Variants in CDH13 observed in about 807,000 individuals in gnomAD.
CDH13 encodes cadherin-13.
A neutral mutation model predicts 63.8 loss-of-function variants in CDH13; 24 were observed. The ratio of observed to expected loss-of-function variants is 0.38; its 90% CI spans 0.27 to 0.53. The LOEUF is 0.53. Among genes scored for constraint, CDH13 ranks in the 20% least tolerant of loss-of-function variants. CDH13 has a pLI of 0.85. For synonymous variants in CDH13, 503 were observed against 355.3 expected (o/e 1.42, Z -4.67); for missense variants, 1,049 against 903.1 (o/e 1.16, Z -2.07).
intron 4 of CDH13, among the ~76,000 whole-genome samples, chr16:83,188,775 A>T (rs116830077): frequency 0.018 from 2,781 of 152,368 alleles, 86 homozygotes; most frequent in African/African-American, 0.064. Context: ...GTTAGGATTA[A>T]TGACCAACCA....
At position 83,232,227 on chromosome 16, in the gene CDH13, T is replaced by TTTTTAA. The variant is rs3049884; in HGVS notation, c.636+14730_636+14731insTTTTAA. Among the ~76,000 whole-genome samples, 43 of 67,638 alleles carry TTTTTAA rather than the reference T, an allele frequency of 6.4e-4. 1 individual carries two copies. The highest frequency in any genetic ancestry group is 2.1e-3 in the African/African-American group (39 of 18,964). The allele number at this position is 67,638 out of a possible 152,430, so 44.4% of individuals were successfully genotyped here. ...GTGTTTTCTTTTTTTTTTTTTTTTT[T>TTTTTAA]AAAAAAAAAAAAAAAGGCTGGGCAC... On this transcript the variant is annotated intron_variant, in intron 5 of 13. Coordinates refer to ENST00000567109, the MANE Select transcript of CDH13 (RefSeq NM_001257.5).
At chr16:82,760,007 A>T (rs2034771963) in intron 1 of CDH13, among the ~76,000 whole-genome samples, 1 of 152,214 alleles carries the variant, frequency 6.6e-6, no homozygotes, top group Non-Finnish European at 1.5e-5. Flanking sequence ...GATTATAATT[A>T]TTATTTGCAA....
intron 3 of CDH13, among the ~76,000 whole-genome samples, chr16:83,089,437 G>C (rs987783268): frequency 6.6e-6 from 1 of 152,230 alleles, no homozygotes; most frequent in Non-Finnish European, 1.5e-5. Flanking sequence ...GCTGCCATCA[G>C]AGAACTTGTG....
At chr16:83,271,491 G>C (rs1426745412) in intron 5 of CDH13, among the ~76,000 whole-genome samples, 2 of 29,976 alleles carry the variant, frequency 6.7e-5, no homozygotes, top group Non-Finnish European at 1.5e-4. Context: ...TGCATAATGG[G>C]CTTTTATTTA....
intron 1 of CDH13, among the ~76,000 whole-genome samples, chr16:82,758,534 G>C (rs188378664): frequency 3.3e-5 from 5 of 152,208 alleles, no homozygotes; most frequent in African/African-American, 1.2e-4. Flanking sequence ...CTGATTGAGC[G>C]GAGCTGTGCA....
At chr16:82,999,792 C>G (rs180877674) in intron 2 of CDH13, among the ~76,000 whole-genome samples, 11 of 152,308 alleles carry the variant, frequency 7.2e-5, no homozygotes, top group African/African-American at 2.6e-4. Flanking sequence ...ATATCTCTGT[C>G]CTCATCAATA....
chr16:83,259,216 T>A (rs997259305), intron 5 of CDH13, among the ~76,000 whole-genome samples: 1 of 152,162 alleles, frequency 6.6e-6, no homozygotes, highest in Non-Finnish European at 1.5e-5. Flanking sequence ...GGAAAGCTGT[T>A]TTCCTCTCTG....
intron 8 of CDH13, among the ~76,000 whole-genome samples, chr16:83,605,807 C>T (rs1036558894): frequency 6.6e-6 from 1 of 152,228 alleles, no homozygotes; most frequent in African/African-American, 2.4e-5. Flanking sequence ...TAAAAGGCTA[C>T]TCTTTTCCTT....
At chr16:82,699,616 T>A (rs1040949744) in intron 1 of CDH13, among the ~76,000 whole-genome samples, 1 of 152,174 alleles carries the variant, frequency 6.6e-6, no homozygotes, top group African/African-American at 2.4e-5. Flanking sequence ...ATAAAACAAG[T>A]CTTCATGGTG....
intron 13 of CDH13, among the ~76,000 whole-genome samples, chr16:83,790,704 G>A (rs537699338): frequency 7.9e-5 from 12 of 152,212 alleles, no homozygotes; most frequent in African/African-American, 2.6e-4. Context: ...TGCCTGGCCC[G>A]GTTGTTGTAG....
intron 9 of CDH13, among the ~76,000 whole-genome samples, chr16:83,672,863 G>C (rs969603610): frequency 2.0e-5 from 3 of 152,178 alleles, no homozygotes; most frequent in African/African-American, 7.2e-5. Context: ...AAAATTGTCT[G>C]ACAGATTTTA....
intron 1 of CDH13, among the ~76,000 whole-genome samples, chr16:82,661,375 T>G (rs550246216): frequency 2.0e-5 from 3 of 152,338 alleles, no homozygotes; most frequent in South Asian, 2.1e-4. Flanking sequence ...TGACAGACAT[T>G]AAGAAATAGA....
chr16:82,745,567 G>T (rs1249480314), intron 1 of CDH13, among the ~76,000 whole-genome samples: 1 of 152,114 alleles, frequency 6.6e-6, no homozygotes, highest in African/African-American at 2.4e-5. Flanking sequence ...TCACGCCACT[G>T]AACTCCAGCC....
intron 1 of CDH13, among the ~76,000 whole-genome samples, chr16:82,656,381 G>A (rs566982128): frequency 6.6e-6 from 1 of 152,060 alleles, no homozygotes; most frequent in Admixed American, 6.5e-5. Context: ...AGACAGGTTG[G>A]CACCTGGTAG....
At chr16:83,589,096 T>C (rs1015269403) in intron 7 of CDH13, among the ~76,000 whole-genome samples, 1 of 152,148 alleles carries the variant, frequency 6.6e-6, no homozygotes, top group Non-Finnish European at 1.5e-5. Flanking sequence ...TCTGGATTAT[T>C]TGTGAGGGCT....
intron 7 of CDH13, among the ~76,000 whole-genome samples, chr16:83,532,691 G>A (rs552356310): frequency 6.6e-6 from 1 of 152,318 alleles, no homozygotes; most frequent in South Asian, 2.1e-4. Flanking sequence ...CATGCCTGGT[G>A]CCTTGTAAGT....
chr16:83,214,579 CAAAAA>C (rs751124100), intron 4 of CDH13, among the ~76,000 whole-genome samples: 1,392 of 39,818 alleles, frequency 0.035, 69 homozygotes, highest in East Asian at 0.34. Context: ...GACTCTGTCT[CAAAAA>C]AAAAAAAAAA....
intron 7 of CDH13, among the ~76,000 whole-genome samples, chr16:83,496,425 A>G (rs1308215514): frequency 2.0e-5 from 3 of 151,610 alleles, no homozygotes; most frequent in East Asian, 3.9e-4. Flanking sequence ...TTCCCTGTTT[A>G]ATAAATGGTG....
At chr16:82,761,535 C>G (rs986776381) in intron 1 of CDH13, among the ~76,000 whole-genome samples, 1 of 152,184 alleles carries the variant, frequency 6.6e-6, no homozygotes, top group Admixed American at 6.5e-5. Context: ...TATTTGGGAT[C>G]AGTTGGTTTC....
Sources: allele counts gnomAD v4.1 joint callset (sites outside exome capture counted in the v4.1 genomes callset), GRCh38; gene constraint gnomAD v4.1.1; transcripts MANE v1.5; gene names NCBI Gene and HGNC (gene_info 2026-07-23, HGNC 2026-07-21).